The following TYK2 variants were observed in gnomAD, a reference collection of about 807,000 sequenced individuals.
The protein encoded by TYK2 is non-receptor tyrosine-protein kinase TYK2.
TYK2 carries 65 observed loss-of-function variants against 130.9 expected under a neutral mutation model. The observed-to-expected ratio is 0.50, with a 90% CI of 0.41 to 0.61. The LOEUF is 0.61. TYK2 is among the 20% of genes least tolerant of loss of function. The pLI is 0.00. For missense variants in TYK2, 1,378 were observed against 1,610.7 expected (o/e 0.86, Z 2.47); for synonymous variants, 647 against 658.9 (o/e 0.98, Z 0.28).
Position 10,359,212 on chromosome 19 carries a change from A to G in TYK2, c.2138T>C (p.Val713Ala), listed in dbSNP as rs749003655. The G allele has an allele frequency of 6.2e-7, 1 of 1,607,660 alleles. No individual in the cohort carries two copies. The highest frequency in any genetic ancestry group is 2.2e-5 in the East Asian group (1 of 44,858). Residue 713 changes from valine to alanine, a missense_variant, in exon 15 of 25, where the codon GTG becomes GCG. Coordinates refer to ENST00000525621, the MANE Select transcript of TYK2 (RefSeq NM_003331.5). ...RGHVPMAWKM[V>A]VAQQLASALS... ...GGCGCTGGCCAGCTGCTGGGCCACCACCATCTTCCAAGCCATGGGCACATG... is the reference window on the plus strand; with the variant it reads ...GGCGCTGGCCAGCTGCTGGGCCACCGCCATCTTCCAAGCCATGGGCACATG...
intron 3 of TYK2, among the ~76,000 whole-genome samples, chr19:10,373,287 C>T (rs2041992528): frequency 6.6e-6 from 1 of 152,022 alleles, no homozygotes; most frequent in Non-Finnish European, 1.5e-5. Context: ...ATCCACCCGC[C>T]TTGGCCTCCC....
Position 10,354,067 on chromosome 19 carries a change from C to T in TYK2, c.2883G>A (p.Lys961=). The T allele has an allele frequency of 6.2e-7, 1 of 1,614,134 alleles. No individual in the cohort carries two copies. Among genetic ancestry groups the T allele is most frequent in the Non-Finnish European group, 8.5e-7 (1 of 1,180,036 alleles). The change falls in exon 20 of 25, where the codon AAG becomes AAA. Residue 961 remains lysine, a synonymous_variant. Coordinates refer to ENST00000525621, the MANE Select transcript of TYK2 (RefSeq NM_003331.5). ...CTTGGTCCTCGCAGCAGCCCTTGTACTTGATGATGTGCTCGTGGTAGAGCG... is the reference window on the plus strand; with the variant it reads ...CTTGGTCCTCGCAGCAGCCCTTGTATTTGATGATGTGCTCGTGGTAGAGCG... ...LRTLYHEHII[K]YKGCCEDQGE...
In TYK2 at chr19:10,357,839, C is replaced by G; in HGVS notation, c.2391G>C (p.Lys797Asn). 4 of 1,613,676 alleles carry G rather than the reference C, an allele frequency of 2.5e-6. No homozygotes were observed. The highest frequency in any genetic ancestry group is 2.2e-5 in the East Asian group (1 of 44,886). The change falls in exon 17 of 25, where the codon AAG becomes AAC. Residue 797 changes from lysine to asparagine, a missense_variant. Transcript: ENST00000525621. ...CCAGGAGGGTGGCGCCAAACCCCCA[C>G]TTGTCCATGGCGGTGCTTAGGCTGT... ...GANSLSTAMD[K>N]WGFGATLLEI...
intron 17 of TYK2, 108 bp downstream of exon 17, chr19:10,357,656 T>G (rs1304839221): frequency 1.4e-6 from 2 of 1,475,370 alleles, no homozygotes; most frequent in Non-Finnish European, 1.8e-6. Flanking sequence ...CAGAGAGACT[T>G]GAAGTCACGA....
chr19:10,379,044 A>G (rs2042276257), intron 2 of TYK2, among the ~76,000 whole-genome samples: 1 of 152,044 alleles, frequency 6.6e-6, no homozygotes, highest in African/African-American at 2.4e-5. Context: ...TTTTTAGTAG[A>G]GACAGGGTTT....
chr19:10,361,477 C>A lies in TYK2; in HGVS notation c.2047+34G>T. 20 of 1,544,214 alleles carry A rather than the reference C, an allele frequency of 1.3e-5. No homozygotes were observed. Among genetic ancestry groups the A allele is most frequent in the Non-Finnish European group, 1.7e-5 (20 of 1,145,758 alleles). ...GTGGGTATAAGTCAGGGGTGGCCTGCCAAAGGGGGATGGGTATGGCGGGAC... is the reference window on the plus strand; with the variant it reads ...GTGGGTATAAGTCAGGGGTGGCCTGACAAAGGGGGATGGGTATGGCGGGAC... On this transcript the variant is annotated intron_variant, in intron 14 of 24. Coordinates refer to ENST00000525621, the MANE Select transcript of TYK2 (RefSeq NM_003331.5). The surrounding 1 kb of genome is among the most constrained non-coding windows in gnomAD (Gnocchi z 4.0).
chr19:10,362,033 C>A, intron 12 of TYK2, 45 bp downstream of exon 12: 1 of 1,612,800 alleles, frequency 6.2e-7, no homozygotes, highest in Non-Finnish European at 8.5e-7. Flanking sequence ...GCACCCACAT[C>A]CCCAGGGGCC....
At chr19:10,366,861 A>T (rs965007161) in intron 5 of TYK2, among the ~76,000 whole-genome samples, 2 of 152,064 alleles carry the variant, frequency 1.3e-5, no homozygotes. Flanking sequence ...CCTGACCAAC[A>T]TGGAGAAAAC....
At chr19:10,363,673 A>AT (rs1262554549) in intron 9 of TYK2, among the ~76,000 whole-genome samples, 1 of 152,186 alleles carries the variant, frequency 6.6e-6, no homozygotes, top group Non-Finnish European at 1.5e-5. Context: ...ATCACCCAAT[A>AT]TGACAGGGCA....
chr19:10,378,091 T>C, intron 3 of TYK2, 123 bp downstream of exon 3: 2 of 913,496 alleles, frequency 2.2e-6, no homozygotes, highest in South Asian at 3.0e-5. Flanking sequence ...GATGGATGGA[T>C]GGATGGATGA....
At position 10,365,843 on chromosome 19, in the gene TYK2, G is replaced by C. The variant is rs757438993; in HGVS notation, c.685C>G (p.Leu229Val). 1.2e-6 allele frequency: 2 copies of C among 1,612,462 alleles called. No individual in the cohort carries two copies. The highest frequency in any genetic ancestry group is 3.3e-5 in the Admixed American group (2 of 59,894). ...FRRHIRQHSA[L>V]TRLRLRNVFR... is the part of the protein sequence containing the mutation. Reference sequence around the variant, plus strand: ...ACGTTCCGAAGGCGCAGCCGGGTCAGGGCGCTGTGCTGCCGGATATGCCGG... The same window carrying C: ...ACGTTCCGAAGGCGCAGCCGGGTCACGGCGCTGTGCTGCCGGATATGCCGG... The change falls in exon 7 of 25, where the codon CTG (leucine) becomes GTG (valine). Residue 229 changes from leucine (L) to valine (V), a missense_variant. Transcript: ENST00000525621.
At chr19:10,372,467 T>C (rs1286085979) in intron 3 of TYK2, among the ~76,000 whole-genome samples, 2 of 58,248 alleles carry the variant, frequency 3.4e-5, no homozygotes, top group Admixed American at 1.4e-4. Flanking sequence ...GCTATATATA[T>C]ATATATATAT....
At chr19:10,352,630 G>A in intron 22 of TYK2, 79 bp from the exon 23 acceptor site, 1 of 790,212 alleles carries the variant, frequency 1.3e-6, no homozygotes, top group Middle Eastern at 2.4e-4. Context: ...GCCCTCACCT[G>A]AGACTGAAGG....
chr19:10,379,018 C>A (rs192757561), intron 2 of TYK2, among the ~76,000 whole-genome samples: 1 of 152,092 alleles, frequency 6.6e-6, no homozygotes, highest in African/African-American at 2.4e-5. Context: ...GCCACCACAC[C>A]GGGCTAATTT....
chr19:10,353,590 A>G lies in TYK2; in HGVS notation c.2965T>C (p.Tyr989His). 6.7e-7 allele frequency: 1 copy of G among 1,487,602 alleles called. No individual in the cohort carries two copies. The highest frequency in any genetic ancestry group is 9.0e-7 in the Non-Finnish European group (1 of 1,115,640). The allele number at this position is 1,487,602 out of a possible 1,614,324, so 92.2% of individuals were successfully genotyped here. A position where few individuals can be genotyped will look rare whatever the true frequency, so the allele number is the denominator to read the frequency against. The change falls in exon 21 of 25, where the codon TAC becomes CAC. Residue 989 changes from tyrosine to histidine, a missense_variant. By Grantham distance (83) the Tyr-to-His change is moderately conservative. Transcript: ENST00000525621. This position sits in a 1 kb window ranked among gnomAD's most constrained non-coding sequence, Gnocchi z 6.9. ...EYVPLGSLRD[Y>H]LPRHSIGLAQ... ...AGCCCGATGCTGTGCCGGGGCAGGT[A>G]GTCTCGGAGGCTGCCCAGGGGCACG...
rs368361707 is a variant in TYK2 at position 10,358,030 on chromosome 19, C to T, written c.2284G>A (p.Val762Met). ...TCCCTGGAGAGGGCGCCCAGGCCCA[C>T]GCCAGGATCACTCAGCTTGATGAAG... ...SPFIKLSDPG[V>M]GLGALSREER... is the part of the protein sequence containing the mutation. Residue 762 changes from valine to methionine, a missense_variant, in exon 16 of 25, where the codon GTG becomes ATG. Coordinates refer to ENST00000525621, the MANE Select transcript of TYK2 (RefSeq NM_003331.5). 1.4e-5 allele frequency: 22 copies of T among 1,613,402 alleles called. No individual in the cohort carries two copies. Among genetic ancestry groups the T allele is most frequent in the African/African-American group, 1.2e-4 (9 of 74,940 alleles).
chr19:10,376,043 G>A (rs1303321167), intron 3 of TYK2, among the ~76,000 whole-genome samples: 2 of 137,770 alleles, frequency 1.5e-5, no homozygotes, highest in Non-Finnish European at 1.5e-5. Context: ...ATGGAGTTTC[G>A]CTCTTGTTGC....
At position 10,378,289 on chromosome 19, in the gene TYK2, C is replaced by G. The variant is rs763286803; in HGVS notation, c.118G>C (p.Gly40Arg). ...VLLHWAGPGG[G>R]EPWVTFSESS... ...TCACTGAAAGTGACCCAGGGCTCCC[C>G]GCCGCCTGGACCAGCCCAGTGCAGA... is the stretch of plus-strand genomic sequence containing the variant. Residue 40 changes from glycine to arginine, a missense_variant, in exon 3 of 25, where the codon GGG becomes CGG. Gly to Arg is a moderately radical substitution (Grantham distance 125). Coordinates refer to ENST00000525621, the MANE Select transcript of TYK2 (RefSeq NM_003331.5). 6.2e-7 allele frequency: 1 copy of G among 1,612,892 alleles called. No homozygotes were observed. Among genetic ancestry groups the G allele is most frequent in the East Asian group, 2.2e-5 (1 of 44,878 alleles).
rs1029130286 is a variant in TYK2, at chr19:10,361,201, T to TG, written c.2047+309dup. On this transcript the variant is annotated intron_variant, in intron 14 of 24. Transcript: ENST00000525621. The surrounding 1 kb of genome is among the most constrained non-coding windows in gnomAD (Gnocchi z 4.0). ...TAGTGCTGATGGGGCCAGGAGCAGA[T>TG]GGGGGCTGGACTGTAGAGGTTGTTT... 3.6e-6 allele frequency: 2 copies of TG among 555,720 alleles called. No homozygotes were observed. Among genetic ancestry groups the TG allele is most frequent in the Non-Finnish European group, 6.6e-6 (2 of 302,068 alleles). The allele number at this position is 555,720 out of a possible 1,614,324, so 34.4% of individuals were successfully genotyped here. A position where few individuals can be genotyped will look rare whatever the true frequency, so the allele number is the denominator to read the frequency against.
Sources: gnomAD v4.1 joint callset for allele counts (sites outside exome capture counted in the v4.1 genomes callset) on GRCh38, gnomAD v4.1.1 for gene constraint, Gnocchi (gnomAD v3.1) non-coding constraint, MANE v1.5 for transcripts, NCBI Gene and HGNC (gene_info 2026-07-23, HGNC 2026-07-21) for gene names.